ZNF483: variants seen among roughly 807,000 people sequenced by gnomAD.
ZNF483 encodes the protein zinc finger protein HIT-10.
In ZNF483, 9 loss-of-function variants were observed where a neutral mutation model predicts 28.6. That is an observed-to-expected ratio of 0.32 (90% CI 0.19 to 0.55). The LOEUF (loss-of-function observed/expected upper bound fraction) is 0.55, where lower values mean the gene tolerates loss of function less well. ZNF483 is among the 20% of genes least tolerant of loss of function. The pLI is 0.93. For missense variants in ZNF483, 675 were observed against 871.7 expected, an observed-to-expected ratio of 0.77 and a Z score of 2.84; for synonymous variants, 322 against 306.2, an observed-to-expected ratio of 1.05 and a Z score of -0.54.
chr9:111,574,833 C>G (rs768448213), intron 5 of ZNF483: 6 of 1,612,052 alleles, frequency 3.7e-6, no homozygotes, highest in African/African-American at 2.7e-5. Context: ...TTTGAAAACT[C>G]TCCACCTACC....
chr9:111,542,346 G>A lies in ZNF483; in HGVS notation c.1411G>A (p.Glu471Lys), dbSNP rs1457779187. The change falls in exon 6 of 6, where the codon GAA becomes AAA. Residue 471 changes from glutamate to lysine, a missense_variant. Glu to Lys is a moderately conservative substitution (Grantham distance 56, BLOSUM62 1). Coordinates refer to ENST00000309235, the MANE Select transcript of ZNF483 (RefSeq NM_133464.5). This position sits in a 1 kb window ranked among gnomAD's most constrained non-coding sequence, Gnocchi z 6.2. The stretch of plus-strand genomic sequence containing the variant: ...TGGAGAAAAACCCTATATGTGTAAT[G>A]AATGTGGAAAAGCTTTTAGTGATAG... ...HTGEKPYMCNECGKAFSDSSS... is the reference protein window; with the variant it reads ...HTGEKPYMCNKCGKAFSDSSS... 1 of 1,613,956 alleles carries A rather than the reference G, an allele frequency of 6.2e-7. No individual in the cohort carries two copies. The highest frequency in any genetic ancestry group is 1.3e-5 in the African/African-American group (1 of 74,900).
At chr9:111,570,938 AGAG>A (rs1828791454) in intron 5 of ZNF483, among the ~76,000 whole-genome samples, 1 of 152,096 alleles carries the variant, frequency 6.6e-6, no homozygotes, top group Non-Finnish European at 1.5e-5. Context: ...GAGATGAGAG[AGAG>A]GAGGAGGAGG....
intron 3 of ZNF483, 106 bp downstream of exon 3, chr9:111,531,069 C>T: frequency 2.8e-6 from 1 of 353,668 alleles, no homozygotes; most frequent in Non-Finnish European, 5.1e-6. Context: ...TGGCTTACAC[C>T]TGTAATCCCA....
chr9:111,537,100 A>G (rs1241020409), intron 5 of ZNF483, among the ~76,000 whole-genome samples: 3 of 152,168 alleles, frequency 2.0e-5, no homozygotes, highest in African/African-American at 7.2e-5. Context: ...ATGTTATTCA[A>G]GATTTACAGT....
At position 111,543,085 on chromosome 9, in the gene ZNF483, G is replaced by A; in HGVS notation, c.2150G>A (p.Arg717Lys). 1 of 1,614,098 alleles carries A rather than the reference G, an allele frequency of 6.2e-7. No homozygotes were observed. The highest frequency in any genetic ancestry group is 8.5e-7 in the Non-Finnish European group (1 of 1,180,010). The part of the protein sequence containing the change: ...VEHLKIHTGR[R>K]EYECNECEKT... ...CACCTAAAAATTCATACCGGAAGGAGAGAATATGAATGTAACGAATGTGAG... is the reference window on the plus strand; with the variant it reads ...CACCTAAAAATTCATACCGGAAGGAAAGAATATGAATGTAACGAATGTGAG... Residue 717 changes from arginine (R) to lysine (K), a missense_variant, in exon 6 of 6, where the codon AGA (arginine) becomes AAA (lysine). Transcript: ENST00000309235.
Position 111,542,083 on chromosome 9 carries a change from T to C in ZNF483, c.1148T>C (p.Ile383Thr). The C allele has an allele frequency of 6.2e-7, 1 of 1,614,170 alleles. No individual in the cohort carries two copies. The highest frequency in any genetic ancestry group is 8.5e-7 in the Non-Finnish European group (1 of 1,180,034). ...ACTGAACATCAGAAACGTCAGAAGA[T>C]TCATTTGGGGGATAGGTCCCAAAAA... ...ALTEHQKRQK[I>T]HLGDRSQKCS... Residue 383 changes from isoleucine to threonine, a missense_variant, in exon 6 of 6, where the codon ATT becomes ACT. This residue lies in a region of ZNF483 where 525 missense variants were observed against 581.8 expected (regional missense o/e 0.90). Coordinates refer to ENST00000309235, the MANE Select transcript of ZNF483 (RefSeq NM_133464.5). The surrounding 1 kb of genome is among the most constrained non-coding windows in gnomAD (Gnocchi z 6.2).
At chr9:111,563,139 C>G in intron 5 of ZNF483, 2 of 1,613,934 alleles carry the variant, frequency 1.2e-6, no homozygotes, top group Non-Finnish European at 1.7e-6. Flanking sequence ...TCACTATTGT[C>G]TTCCCCAAAT....
rs979867817 is a variant in ZNF483 at position 111,546,967 on chromosome 9, C to T, written c.*3797C>T. Among the ~76,000 whole-genome samples the T allele has an allele frequency of 2.0e-5, 3 of 152,126 alleles. No homozygotes were observed. The highest frequency in any genetic ancestry group is 7.2e-5 in the African/African-American group (3 of 41,446). ...GCCCTGTTGTGTTTGGCTTATTCCACTTAGCATTATGTTTTCAAGGTTCGG... is the reference window on the plus strand; with the variant it reads ...GCCCTGTTGTGTTTGGCTTATTCCATTTAGCATTATGTTTTCAAGGTTCGG... On this transcript the variant is annotated 3_prime_UTR_variant, in exon 6 of 6. Coordinates refer to ENST00000309235, the MANE Select transcript of ZNF483 (RefSeq NM_133464.5).
Position 111,571,178 on chromosome 9 carries a change from G to A in ZNF483, c.722-5187G>A, listed in dbSNP as rs187797314. Among the ~76,000 whole-genome samples the A allele has an allele frequency of 1.7e-4, 26 of 149,792 alleles. 3 individuals carry two copies. The highest frequency in any genetic ancestry group is 6.1e-4 in the Admixed American group (9 of 14,732). ...CTATAATCCAGCATTTTGGGAGGCC[G>A]AGGCAGGCAGATCACTTGAAGTCAG... On this transcript the variant is annotated intron_variant, in intron 5 of 5. Transcript: ENST00000358151.
intron 5 of ZNF483, among the ~76,000 whole-genome samples, chr9:111,560,974 T>TATAGAGAG (rs1564607823): frequency 3.2e-4 from 3 of 9,334 alleles, no homozygotes; most frequent in African/African-American, 1.5e-3. Context: ...TATATATATA[T>TATAGAGAG]AGAGAGAGAG....
intron 1 of ZNF483, among the ~76,000 whole-genome samples, chr9:111,526,545 A>C (rs565325153): frequency 2.6e-4 from 40 of 152,332 alleles, no homozygotes; most frequent in Admixed American, 1.2e-3. Flanking sequence ...TTCTTAGGAA[A>C]TAAAATCGCC....
downstream of ZNF483, among the ~76,000 whole-genome samples, chr9:111,559,384 T>G (rs1403530545): frequency 6.6e-6 from 1 of 152,006 alleles, no homozygotes; most frequent in Non-Finnish European, 1.5e-5. Flanking sequence ...CTTCTCACCC[T>G]ACTTGGACTC....
intron 5 of ZNF483, among the ~76,000 whole-genome samples, chr9:111,572,711 T>G (rs562486928): frequency 4.1e-4 from 55 of 134,938 alleles, no homozygotes; most frequent in African/African-American, 1.5e-3. Flanking sequence ...GAGCCATGAT[T>G]GCGCCACTGC....
intron 5 of ZNF483, among the ~76,000 whole-genome samples, chr9:111,538,666 C>A (rs572431951): frequency 2.6e-5 from 4 of 152,146 alleles, no homozygotes; most frequent in African/African-American, 9.6e-5. Context: ...GTTCTAGCAG[C>A]ACTGGTATAA....
At position 111,570,099 on chromosome 9, in the gene ZNF483, C is replaced by T. The variant is rs147930843; in HGVS notation, c.722-6266C>T. 5.6e-6 allele frequency: 9 copies of T among 1,613,992 alleles called. No individual in the cohort carries two copies. The African/African-American group carries it at 9.3e-5, about 17-fold the overall frequency. On this transcript the variant is annotated intron_variant, in intron 5 of 5. Transcript: ENST00000358151. ...GCTCCGGAGCTCCTTACCTCTAAGACCCATTTCAGCAAGTCCTTCAGAGCT... is the reference window on the plus strand; with the variant it reads ...GCTCCGGAGCTCCTTACCTCTAAGATCCATTTCAGCAAGTCCTTCAGAGCT...
At chr9:111,534,208 A>T in intron 4 of ZNF483, 53 bp from the exon 5 acceptor site, 23 of 1,436,148 alleles carry the variant, frequency 1.6e-5, no homozygotes, top group Non-Finnish European at 2.2e-5. Context: ...GAATGCTGGG[A>T]TATCTTTACT....
Position 111,549,780 on chromosome 9 carries a change from T to C in ZNF483, c.*6610T>C. 1.3e-6 allele frequency: 2 copies of C among 1,546,570 alleles called. No individual in the cohort carries two copies. The highest frequency in any genetic ancestry group is 1.8e-6 in the Non-Finnish European group (2 of 1,142,700). On this transcript the variant is annotated 3_prime_UTR_variant, in exon 6 of 6. Transcript: ENST00000309235. ...TTTTTCTGCTTTGAAGCTTCAATCT[T>C]CTTCATTTTCTCTTTTGATCTGTCA...
chr9:111,541,154 A>G (rs897068007), intron 5 of ZNF483, among the ~76,000 whole-genome samples: 3 of 150,732 alleles, frequency 2.0e-5, no homozygotes, highest in Admixed American at 6.6e-5. Flanking sequence ...CAGTGCCACA[A>G]TCTCGGCTCC....
chr9:111,545,042 G>T lies in ZNF483; in HGVS notation c.*1872G>T, dbSNP rs117005793. Among the ~76,000 whole-genome samples, 851 of 152,276 alleles carry T rather than the reference G, an allele frequency of 5.6e-3. 4 individuals carry two copies. The highest frequency in any genetic ancestry group is 8.6e-3 in the Non-Finnish European group (588 of 68,020). ...CATTTACTGTGACTAATGTATGTAG[G>T]TGTGAAATGCTACCTCTGGGAGAAG... On this transcript the variant is annotated 3_prime_UTR_variant, in exon 6 of 6. Transcript: ENST00000309235.
Sources: gnomAD v4.1 joint callset for allele counts (sites outside exome capture counted in the v4.1 genomes callset) on GRCh38, gnomAD v4.1.1 for gene constraint, gnomAD v4.1.1 regional missense constraint, Gnocchi (gnomAD v3.1) non-coding constraint, MANE v1.5 for transcripts, NCBI Gene and HGNC (gene_info 2026-07-23, HGNC 2026-07-21) for gene names.